Variants in ASB7 observed in about 807,000 individuals in gnomAD.
ASB7 encodes ankyrin repeat and SOCS box protein 7.
A neutral mutation model predicts 32.5 loss-of-function variants in ASB7; 4 were observed. That is an observed-to-expected ratio of 0.12 (90% confidence interval 0.06 to 0.28). ASB7 has a LOEUF of 0.28. Ranked by LOEUF, ASB7 falls within the 10% of genes least tolerant of loss-of-function variation. The probability of loss-of-function intolerance (pLI) is 1.00; values close to 1 mark genes in which losing one functional copy is unlikely to be tolerated. For missense variants in ASB7, 181 were observed against 407.1 expected, an observed-to-expected ratio of 0.44 and a Z score of 4.78; for synonymous variants, 172 against 155.6, an observed-to-expected ratio of 1.11 and a Z score of -0.78.
intron 5 of ASB7, among the ~76,000 whole-genome samples, chr15:100,642,786 C>G (rs2141407283): frequency 6.6e-6 from 1 of 152,388 alleles, no homozygotes; most frequent in East Asian, 1.9e-4. Context: ...CCTGCCATCC[C>G]AGCACCTTGG....
rs909809820 is a variant in ASB7, at chr15:100,619,778, G to A, written c.211+7351G>A. Among the ~76,000 whole-genome samples, 30 of 152,298 alleles carry A rather than the reference G, an allele frequency of 2.0e-4. 1 individual carries two copies. In the Middle Eastern group the frequency reaches 0.014, roughly 69 times the overall value. On this transcript the variant is annotated intron_variant, in intron 4 of 5. Transcript: ENST00000332783. ...CTTGTGACCATAGTTTGGGGAGAGC[G>A]ATGTGACCACAGGCAGCCTGGTGGG... is the stretch of plus-strand genomic sequence containing the variant.
At chr15:100,612,683 G>A (rs1384760875) in intron 4 of ASB7, among the ~76,000 whole-genome samples, 3 of 152,168 alleles carry the variant, frequency 2.0e-5, no homozygotes, top group Non-Finnish European at 4.4e-5. Context: ...GGTTATTTCA[G>A]CTAAGCTACC....
chr15:100,614,743 A>G (rs1447132318), intron 4 of ASB7, among the ~76,000 whole-genome samples: 1 of 121,418 alleles, frequency 8.2e-6, no homozygotes. Flanking sequence ...GCTGATGAGC[A>G]AAAAAAAAAA....
chr15:100,645,853 G>C (rs2039993992), intron 5 of ASB7: 1 of 1,019,458 alleles, frequency 9.8e-7, no homozygotes, highest in Admixed American at 1.8e-5. Flanking sequence ...ATGGTCCCAA[G>C]ATACGCTGCA....
intron 4 of ASB7, among the ~76,000 whole-genome samples, chr15:100,626,919 G>A (rs976120644): frequency 6.6e-6 from 1 of 152,130 alleles, no homozygotes; most frequent in Non-Finnish European, 1.5e-5. Flanking sequence ...CCAGTGGTTT[G>A]CCTGGGACCC....
intron 4 of ASB7, among the ~76,000 whole-genome samples, chr15:100,625,085 A>C (rs1023566607): frequency 2.6e-5 from 4 of 152,222 alleles, no homozygotes; most frequent in African/African-American, 7.2e-5. Context: ...ATGGGAAACC[A>C]GAAGCAGAAG....
At position 100,649,861 on chromosome 15, in the gene ASB7, C is replaced by T. The variant is rs867721715; in HGVS notation, c.*1399C>T. The T allele has an allele frequency of 6.6e-6, 1 of 152,244 alleles. No homozygotes were observed. The highest frequency in any genetic ancestry group is 2.4e-5 in the African/African-American group (1 of 41,456). 9.4% of individuals were successfully genotyped at this position (152,244 alleles called of 1,614,324 possible). Reference sequence around the variant, plus strand: ...GCTTTGGGAAAAAATATTTAACACACTGTTAATAAATTTGTTATCAGAAGT... The same window carrying T: ...GCTTTGGGAAAAAATATTTAACACATTGTTAATAAATTTGTTATCAGAAGT... On this transcript the variant is annotated 3_prime_UTR_variant, in exon 6 of 6. Transcript: ENST00000332783.
Position 100,612,420 on chromosome 15 carries a change from A to G in ASB7, c.204A>G (p.Glu68=). The change falls in exon 4 of 6, where the codon GAA becomes GAG. Residue 68 remains glutamate (E), a synonymous_variant. Coordinates refer to ENST00000332783, the MANE Select transcript of ASB7 (RefSeq NM_198243.3). ...AAAGATGTGTTCGGGTTTTTCTAGAACACGGAGGTGAGTTTTGTAGAAGCA... is the reference window on the plus strand; with the variant it reads ...AAAGATGTGTTCGGGTTTTTCTAGAGCACGGAGGTGAGTTTTGTAGAAGCA... ...GKERCVRVFL[E]HGADPTVKDL... 6.2e-7 allele frequency: 1 copy of G among 1,610,870 alleles called. No individual in the cohort carries two copies. Among genetic ancestry groups the G allele is most frequent in the Non-Finnish European group, 8.5e-7 (1 of 1,176,884 alleles).
chr15:100,627,800 C>T (rs749596232), intron 4 of ASB7, among the ~76,000 whole-genome samples: 2 of 152,114 alleles, frequency 1.3e-5, no homozygotes, highest in Non-Finnish European at 2.9e-5. Context: ...GTTGACTGGC[C>T]AGGTATAGAT....
chr15:100,623,833 C>T (rs1470300458), intron 4 of ASB7, among the ~76,000 whole-genome samples: 3 of 152,166 alleles, frequency 2.0e-5, no homozygotes, highest in Admixed American at 2.0e-4. Flanking sequence ...ATCCAGCAGT[C>T]CCACTACTGA....
intron 2 of ASB7, among the ~76,000 whole-genome samples, chr15:100,607,027 C>T (rs933747035): frequency 6.6e-6 from 1 of 152,044 alleles, no homozygotes; most frequent in African/African-American, 2.4e-5. Context: ...GTGGCACGCT[C>T]CTGTAGTCCC....
At chr15:100,634,391 A>G (rs1597009283) in intron 5 of ASB7, among the ~76,000 whole-genome samples, 1 of 152,228 alleles carries the variant, frequency 6.6e-6, no homozygotes, top group East Asian at 1.9e-4. Flanking sequence ...AAGTAGGAGA[A>G]AATATATGTT....
At chr15:100,640,995 C>G (rs2039957166) in intron 5 of ASB7, among the ~76,000 whole-genome samples, 1 of 152,174 alleles carries the variant, frequency 6.6e-6, no homozygotes, top group Non-Finnish European at 1.5e-5. Flanking sequence ...TGTGCATCCC[C>G]TAAAGGGTTT....
chr15:100,624,229 G>A (rs538419742), intron 4 of ASB7, among the ~76,000 whole-genome samples: 8 of 152,278 alleles, frequency 5.3e-5, no homozygotes, highest in Non-Finnish European at 1.0e-4. Flanking sequence ...AAGTTCTGAC[G>A]TTCAATAGCA....
chr15:100,627,408 T>C (rs1375841477), intron 4 of ASB7, among the ~76,000 whole-genome samples: 1 of 152,242 alleles, frequency 6.6e-6, no homozygotes, highest in Non-Finnish European at 1.5e-5. Context: ...CTAGGCGTTT[T>C]GTAGTTTATG....
chr15:100,602,735 C>T lies in ASB7; in HGVS notation c.-584C>T, dbSNP rs890552118. ...CCGTCCCGAGACCTCCTGGGTCCCT[C>T]CGTAGCTGGAAGCCTCCGGCCCGGA... On this transcript the variant is annotated 5_prime_UTR_variant, in exon 1 of 6. Transcript: ENST00000332783. 8 of 374,476 alleles carry T rather than the reference C, an allele frequency of 2.1e-5. No individual in the cohort carries two copies. The highest frequency in any genetic ancestry group is 8.4e-5 in the African/African-American group (4 of 47,848). 23.2% of individuals were successfully genotyped at this position (374,476 alleles called of 1,614,324 possible). A position where few individuals can be genotyped will look rare whatever the true frequency, so the allele number is the denominator to read the frequency against.
chr15:100,630,906 CCT>C lies in ASB7; in HGVS notation c.817+866_817+867del, dbSNP rs375962057. The stretch of plus-strand genomic sequence containing the variant: ...TGAACTTTTTAATGAGTTCCTTTTT[CCT>C]CACTGGTTTTGAGCCTTCGGTCATT... On this transcript the variant is annotated intron_variant, in intron 5 of 5. Coordinates refer to ENST00000332783, the MANE Select transcript of ASB7 (RefSeq NM_198243.3). 5.3e-3 allele frequency among the ~76,000 whole-genome samples: 802 copies of C among 152,202 alleles called. 6 individuals carry two copies. Among genetic ancestry groups the C allele is most frequent in the African/African-American group, 0.018 (728 of 41,536 alleles).
intron 2 of ASB7, among the ~76,000 whole-genome samples, chr15:100,604,903 G>A (rs2039628933): frequency 6.6e-6 from 1 of 152,196 alleles, no homozygotes; most frequent in South Asian, 2.1e-4. Flanking sequence ...ATGTTCTAAA[G>A]ATCAAAATGA....
Position 100,651,185 on chromosome 15 carries a change from A to G in ASB7, c.*2723A>G, listed in dbSNP as rs1182519801. 1 of 151,128 alleles carries G rather than the reference A, an allele frequency of 6.6e-6. No individual in the cohort carries two copies. Among genetic ancestry groups the G allele is most frequent in the African/African-American group, 2.5e-5 (1 of 40,588 alleles). 9.4% of individuals were successfully genotyped at this position (151,128 alleles called of 1,614,324 possible). On this transcript the variant is annotated 3_prime_UTR_variant, in exon 6 of 6. Transcript: ENST00000332783. Reference sequence around the variant, plus strand: ...GAACTGCAAACCTCATCTTTCGAAAACAAGGTTTTGTGTTTTTTTTTTTTT... The same window carrying G: ...GAACTGCAAACCTCATCTTTCGAAAGCAAGGTTTTGTGTTTTTTTTTTTTT...
Sources: gnomAD v4.1 joint callset for allele counts (sites outside exome capture counted in the v4.1 genomes callset) on GRCh38, gnomAD v4.1.1 for gene constraint, MANE v1.5 for transcripts, NCBI Gene and HGNC (gene_info 2026-07-23, HGNC 2026-07-21) for gene names.